SGCZ: variants seen among roughly 807,000 people sequenced by gnomAD.
SGCZ encodes the protein zeta-sarcoglycan.
SGCZ carries 40 observed loss-of-function variants against 41.3 expected under a neutral mutation model. The observed-to-expected ratio is 0.97, with a 90% CI of 0.75 to 1.26. The LOEUF (loss-of-function observed/expected upper bound fraction) is 1.26. Among genes scored for constraint, SGCZ ranks in the 50% most tolerant of loss-of-function variants. The pLI, the probability that SGCZ is intolerant of heterozygous loss-of-function variation, is 0.00. For synonymous variants in SGCZ, 206 were observed against 137.5 expected, an observed-to-expected ratio of 1.50 and a Z score of -3.49; for missense variants, 552 against 369.8, an observed-to-expected ratio of 1.49 and a Z score of -4.04.
chr8:15,193,010 C>A lies in SGCZ; in HGVS notation c.39+44575G>T, dbSNP rs555535787. On this transcript the variant is annotated intron_variant, in intron 1 of 7. Transcript: ENST00000382080. The stretch of plus-strand genomic sequence containing the variant: ...CCATTTAGTGGAGATTATTTAATGA[C>A]CACTACTGAAGTTTTACCACTTATA... Among the ~76,000 whole-genome samples, 11 of 152,112 alleles carry A rather than the reference C, an allele frequency of 7.2e-5. No homozygotes were observed. The East Asian group carries it at 2.1e-3, about 29-fold the overall frequency.
At chr8:14,358,279 T>C (rs62497817) in intron 2 of SGCZ, among the ~76,000 whole-genome samples, 32,247 of 152,168 alleles carry the variant, frequency 0.21, 4,272 homozygotes, top group Non-Finnish European at 0.31. Flanking sequence ...GATATTTTCT[T>C]TTTGAAATGG....
chr8:14,550,663 C>T (rs372023009), intron 2 of SGCZ, among the ~76,000 whole-genome samples: 1 of 151,972 alleles, frequency 6.6e-6, no homozygotes, highest in East Asian at 1.9e-4. Flanking sequence ...GGAGCATCTC[C>T]TGTGCTTATG....
At chr8:14,902,119 C>G (rs538499010) in intron 1 of SGCZ, among the ~76,000 whole-genome samples, 1 of 152,228 alleles carries the variant, frequency 6.6e-6, no homozygotes, top group Non-Finnish European at 1.5e-5. Context: ...ATGATTCACT[C>G]CTTAGCTCTG....
At chr8:14,168,557 G>A (rs1804277609) in intron 4 of SGCZ, among the ~76,000 whole-genome samples, 1 of 152,118 alleles carries the variant, frequency 6.6e-6, no homozygotes. Flanking sequence ...CTTCCCGGCT[G>A]CCACGTAAGA....
intron 2 of SGCZ, among the ~76,000 whole-genome samples, chr8:14,383,794 G>C (rs1804460850): frequency 1.3e-5 from 2 of 152,128 alleles, no homozygotes; most frequent in South Asian, 4.1e-4. Flanking sequence ...CTGTACAGTT[G>C]AATGTAGGCC....
intron 7 of SGCZ, among the ~76,000 whole-genome samples, chr8:14,093,007 G>C (rs1801735599): frequency 6.6e-6 from 1 of 152,000 alleles, no homozygotes; most frequent in South Asian, 2.1e-4. Flanking sequence ...TTGAGAGACA[G>C]TGATCGTATG....
At chr8:14,587,233 T>C (rs1009319693) in intron 1 of SGCZ, among the ~76,000 whole-genome samples, 2 of 151,978 alleles carry the variant, frequency 1.3e-5, no homozygotes, top group African/African-American at 4.8e-5. Context: ...TCAACCAAAC[T>C]TCTACTATAT....
chr8:14,555,235 T>A (rs557833118), intron 1 of SGCZ, among the ~76,000 whole-genome samples: 47 of 152,158 alleles, frequency 3.1e-4, no homozygotes, highest in Middle Eastern at 6.8e-3. Context: ...CAGTTACCGG[T>A]AACTAAAGAA....
chr8:14,691,115 T>A (rs1486322558), intron 1 of SGCZ, among the ~76,000 whole-genome samples: 1 of 152,174 alleles, frequency 6.6e-6, no homozygotes, highest in Non-Finnish European at 1.5e-5. Context: ...ATTGTCTGTC[T>A]CTCCACTTAA....
chr8:14,138,363 A>C (rs1803265672), intron 5 of SGCZ, among the ~76,000 whole-genome samples: 1 of 152,246 alleles, frequency 6.6e-6, no homozygotes, highest in Admixed American at 6.5e-5. Flanking sequence ...AATGGGCTAA[A>C]TGCCCCAATT....
At chr8:15,145,216 T>C (rs560877) in intron 1 of SGCZ, among the ~76,000 whole-genome samples, 145,921 of 152,274 alleles carry the variant, frequency 0.96, 70,198 homozygotes, top group East Asian at 1. Context: ...TTATACATTC[T>C]CTTTTGTACC....
chr8:14,956,978 C>G (rs1035733751), intron 1 of SGCZ, among the ~76,000 whole-genome samples: 4 of 152,212 alleles, frequency 2.6e-5, no homozygotes, highest in South Asian at 2.1e-4. Flanking sequence ...CACACACACA[C>G]ACTCACACAT....
intron 1 of SGCZ, among the ~76,000 whole-genome samples, chr8:14,697,874 T>C (rs1438032787): frequency 6.6e-6 from 1 of 152,040 alleles, no homozygotes; most frequent in Non-Finnish European, 1.5e-5. Flanking sequence ...ATTGAAATTC[T>C]TGGTTGCTTT....
intron 1 of SGCZ, among the ~76,000 whole-genome samples, chr8:15,224,366 A>C (rs1447585524): frequency 6.6e-6 from 1 of 152,218 alleles, no homozygotes; most frequent in African/African-American, 2.4e-5. Flanking sequence ...ATGAGAATCA[A>C]GACAGTGTAA....
intron 2 of SGCZ, among the ~76,000 whole-genome samples, chr8:14,490,651 T>C (rs1801816442): frequency 1.3e-5 from 2 of 152,176 alleles, no homozygotes; most frequent in African/African-American, 4.8e-5. Flanking sequence ...TTATTGAGTG[T>C]CCATTACAAG....
intron 2 of SGCZ, among the ~76,000 whole-genome samples, chr8:14,545,317 G>A (rs1803591690): frequency 6.6e-6 from 1 of 151,778 alleles, no homozygotes; most frequent in Non-Finnish European, 1.5e-5. Flanking sequence ...AGAAATTCTT[G>A]CCCAATAAGA....
intron 1 of SGCZ, among the ~76,000 whole-genome samples, chr8:14,948,679 G>A (rs897552752): frequency 3.3e-5 from 5 of 152,048 alleles, no homozygotes; most frequent in African/African-American, 9.7e-5. Flanking sequence ...TGCAAACTCT[G>A]TGAATACCTC....
chr8:15,099,719 T>C (rs1019519073), intron 1 of SGCZ, among the ~76,000 whole-genome samples: 7 of 152,240 alleles, frequency 4.6e-5, no homozygotes, highest in African/African-American at 9.6e-5. Context: ...TATTAGCAAA[T>C]TGAATCCAAC....
intron 1 of SGCZ, among the ~76,000 whole-genome samples, chr8:14,894,503 A>G (rs922186840): frequency 7.2e-5 from 11 of 152,112 alleles, no homozygotes; most frequent in Admixed American, 3.3e-4. Flanking sequence ...GGACTCTTCA[A>G]ATTTGCTCCC....
Sources: allele counts gnomAD v4.1 joint callset (sites outside exome capture counted in the v4.1 genomes callset), GRCh38; gene constraint gnomAD v4.1.1; transcripts MANE v1.5; gene names NCBI Gene and HGNC (gene_info 2026-07-23, HGNC 2026-07-21).